TUBAL3: variants seen among roughly 807,000 people sequenced by gnomAD.
TUBAL3 encodes the protein tubulin alpha like 3.
A neutral mutation model predicts 15.5 loss-of-function variants in TUBAL3; 16 were observed. That is an observed-to-expected ratio of 1.04 (90% CI 0.70 to 1.57). TUBAL3 has a LOEUF of 1.57. Ranked by LOEUF, TUBAL3 falls within the 40% of genes most tolerant of loss-of-function variation. The probability of loss-of-function intolerance (pLI) is 0.00; values close to 1 mark genes in which losing one functional copy is unlikely to be tolerated. For missense variants in TUBAL3, 609 were observed against 576.2 expected (o/e 1.06, Z -0.58); for synonymous variants, 238 against 224.3 (o/e 1.06, Z -0.55).
Position 5,395,577 on chromosome 10 carries a change from T to C in TUBAL3, c.248-102A>G. On this transcript the variant is annotated intron_variant, in intron 2 of 3. Transcript: ENST00000380419. The surrounding 1 kb of genome is among the most constrained non-coding windows in gnomAD (Gnocchi z 4.6). ...GCCTCCCCGTACTTGACTCCCATGCTTTCTCTCAATATTGTGGTCCAGGAA... is the reference window on the plus strand; with the variant it reads ...GCCTCCCCGTACTTGACTCCCATGCCTTCTCTCAATATTGTGGTCCAGGAA... 1 of 1,231,790 alleles carries C rather than the reference T, an allele frequency of 8.1e-7. No homozygotes were observed. The highest frequency in any genetic ancestry group is 1.1e-6 in the Non-Finnish European group (1 of 934,106). The allele number at this position is 1,231,790 out of a possible 1,614,324, so 76.3% of individuals were successfully genotyped here. A position where few individuals can be genotyped will look rare whatever the true frequency, so the allele number is the denominator to read the frequency against.
In TUBAL3 at chr10:5,395,299, C is replaced by A. The variant is rs782537472; in HGVS notation, c.396+28G>T. On this transcript the variant is annotated intron_variant, in intron 3 of 3. Transcript: ENST00000380419. This position sits in a 1 kb window ranked among gnomAD's most constrained non-coding sequence, Gnocchi z 4.6. ...GACCCCACATGCCCCAGGCACAGCC[C>A]ACTCGGAGGAGAGGGGGAGCCACTT... 1.4e-6 allele frequency: 2 copies of A among 1,472,972 alleles called. No individual in the cohort carries two copies. Among genetic ancestry groups the A allele is most frequent in the East Asian group, 5.2e-5 (2 of 38,492 alleles). 91.2% of individuals were successfully genotyped at this position (1,472,972 alleles called of 1,614,324 possible). A position where few individuals can be genotyped will look rare whatever the true frequency, so the allele number is the denominator to read the frequency against.
At chr10:5,398,992 T>A (rs1554814410) in intron 2 of TUBAL3, among the ~76,000 whole-genome samples, 1 of 152,162 alleles carries the variant, frequency 6.6e-6, no homozygotes, top group Non-Finnish European at 1.5e-5. Context: ...GTTATAACTA[T>A]TTATTTTTTC....
Position 5,394,215 on chromosome 10 carries a change from C to T in TUBAL3, c.643G>A (p.Ala215Thr), listed in dbSNP as rs1438681668. ...TTACGATGGCATATATCATAGACGG[C>T]CTCGTTGTCCACCATGAAGGTACAG... ...TDCTFMVDNE[A>T]VYDICHRKLG... is the part of the protein sequence containing the mutation. Residue 215 changes from alanine to threonine, a missense_variant, in exon 4 of 4, where the codon GCC (alanine) becomes ACC (threonine). Coordinates refer to ENST00000380419, the MANE Select transcript of TUBAL3 (RefSeq NM_024803.3). This position sits in a 1 kb window ranked among gnomAD's most constrained non-coding sequence, Gnocchi z 4.3. 2.5e-6 allele frequency: 4 copies of T among 1,614,124 alleles called. No homozygotes were observed. In the East Asian group the frequency reaches 8.9e-5, roughly 36 times the overall value.
In TUBAL3 at chr10:5,395,878, G is replaced by T. The variant is rs895321964; in HGVS notation, c.248-403C>A. On this transcript the variant is annotated intron_variant, in intron 2 of 3. Coordinates refer to ENST00000380419, the MANE Select transcript of TUBAL3 (RefSeq NM_024803.3). This position sits in a 1 kb window ranked among gnomAD's most constrained non-coding sequence, Gnocchi z 4.6. ...CCAAACATCTCTCCTGGCACCGGGT[G>T]ACTTACAATTCTTAGCTCTCCTTGG... 1.3e-5 allele frequency among the ~76,000 whole-genome samples: 2 copies of T among 152,140 alleles called. No individual in the cohort carries two copies. Among genetic ancestry groups the T allele is most frequent in the African/African-American group, 4.8e-5 (2 of 41,432 alleles).
chr10:5,400,765 A>G, intron 2 of TUBAL3, 79 bp downstream of exon 2: 2 of 1,561,686 alleles, frequency 1.3e-6, no homozygotes, highest in Non-Finnish European at 1.8e-6. Flanking sequence ...ATAGACCTGT[A>G]TAATCTGCTA....
chr10:5,403,267 C>T (rs1275713822), intron 1 of TUBAL3, among the ~76,000 whole-genome samples: 4 of 152,188 alleles, frequency 2.6e-5, no homozygotes, highest in Admixed American at 2.6e-4. Context: ...TCTTATTCCT[C>T]TCCCCTTCTG....
At position 5,394,642 on chromosome 10, in the gene TUBAL3, G is replaced by C. The variant is rs967715600; in HGVS notation, c.397-181C>G. On this transcript the variant is annotated intron_variant, in intron 3 of 3. Transcript: ENST00000380419. The surrounding 1 kb of genome is among the most constrained non-coding windows in gnomAD (Gnocchi z 4.3). ...TGAAATACTCTCAAGGGGACTTCTG[G>C]AGTAGGCAAAGCACTTCAGAGCTTT... Among the ~76,000 whole-genome samples the C allele has an allele frequency of 6.6e-6, 1 of 152,312 alleles. No homozygotes were observed. Among genetic ancestry groups the C allele is most frequent in the Middle Eastern group, 3.4e-3 (1 of 294 alleles).
rs370241724 is a variant in TUBAL3, at chr10:5,394,185, C to T, written c.673G>A (p.Gly225Ser). ...AVYDICHRKL[G>S]VECPSHASIN... Reference sequence around the variant, plus strand: ...CTGGCATGAGAGGGGCATTCAACACCGAGTTTACGATGGCATATATCATAG... The same window carrying T: ...CTGGCATGAGAGGGGCATTCAACACTGAGTTTACGATGGCATATATCATAG... The change falls in exon 4 of 4, where the codon GGT becomes AGT. Residue 225 changes from glycine (G) to serine (S), a missense_variant. Physicochemically the swap from Gly to Ser is moderately conservative, Grantham distance 56. Coordinates refer to ENST00000380419, the MANE Select transcript of TUBAL3 (RefSeq NM_024803.3). This position sits in a 1 kb window ranked among gnomAD's most constrained non-coding sequence, Gnocchi z 4.3. The T allele has an allele frequency of 1.6e-5, 26 of 1,614,154 alleles. No homozygotes were observed. In the Admixed American group the frequency reaches 1.7e-4, roughly 10 times the overall value.
In TUBAL3 at chr10:5,394,358, T is replaced by C. The variant is rs1001955308; in HGVS notation, c.500A>G (p.Glu167Gly). Residue 167 changes from glutamate to glycine, a missense_variant, in exon 4 of 4, where the codon GAA becomes GGA. By Grantham distance (98) the Glu-to-Gly change is moderately conservative. Transcript: ENST00000380419. The surrounding 1 kb of genome is among the most constrained non-coding windows in gnomAD (Gnocchi z 4.3). ...TSLLMERLTG[E>G]YSRKTKLEFS... is the part of the protein sequence containing the mutation. ...CTCCAGCTTAGTCTTTCTGCTATAT[T>C]CTCCTGTGAGCCTCTCCATTAAGAG... 1.7e-5 allele frequency: 27 copies of C among 1,613,950 alleles called. No individual in the cohort carries two copies. Among genetic ancestry groups the C allele is most frequent in the Non-Finnish European group, 8.5e-7 (1 of 1,180,032 alleles).
intron 2 of TUBAL3, among the ~76,000 whole-genome samples, chr10:5,398,683 C>T (rs1021620153): frequency 2.0e-5 from 3 of 152,190 alleles, no homozygotes; most frequent in Admixed American, 6.5e-5. Flanking sequence ...TTGTCCATCC[C>T]GCAGCCCAGG....
In TUBAL3 at chr10:5,397,355, A is replaced by T. The variant is rs944983128; in HGVS notation, c.248-1880T>A. On this transcript the variant is annotated intron_variant, in intron 2 of 3. Coordinates refer to ENST00000380419, the MANE Select transcript of TUBAL3 (RefSeq NM_024803.3). This position sits in a 1 kb window ranked among gnomAD's most constrained non-coding sequence, Gnocchi z 4.9. ...ACCTCCCCCAGAGCTAGGATGTTTA[A>T]AAGATATATTTATAAACAAGATATA... 3.9e-5 allele frequency among the ~76,000 whole-genome samples: 6 copies of T among 152,214 alleles called. No homozygotes were observed. The highest frequency in any genetic ancestry group is 1.9e-4 in the East Asian group (1 of 5,198).
chr10:5,393,909 C>CA lies in TUBAL3; in HGVS notation c.948dup (p.Gly317TrpfsTer11). The stretch of plus-strand genomic sequence containing the variant: ...AGTAGGCAGCAGGCCATGTACTTCC[C>CA]AAGCCGAGGATCACACTTGACCAGC... On this transcript the variant is annotated frameshift_variant, in exon 4 of 4. Coordinates refer to ENST00000380419, the MANE Select transcript of TUBAL3 (RefSeq NM_024803.3). LOFTEE classifies it low-confidence loss of function (END_TRUNC). 1 of 1,614,186 alleles carries CA rather than the reference C, an allele frequency of 6.2e-7. No homozygotes were observed. Among genetic ancestry groups the CA allele is most frequent in the Non-Finnish European group, 8.5e-7 (1 of 1,180,040 alleles).
chr10:5,393,873 C>A lies in TUBAL3; in HGVS notation c.985G>T (p.Asp329Tyr), dbSNP rs781971389. The A allele has an allele frequency of 6.2e-7, 1 of 1,614,224 alleles. No individual in the cohort carries two copies. The highest frequency in any genetic ancestry group is 8.5e-7 in the Non-Finnish European group (1 of 1,180,052). ...GCATTCACTTCCTTGGGGACCACAT[C>A]CCCTCTATAGAGTAGGCAGCAGGCC... ...YMACCLLYRG[D>Y]VVPKEVNAAI... Residue 329 changes from aspartate to tyrosine, a missense_variant, in exon 4 of 4, where the codon GAT (aspartate) becomes TAT (tyrosine). Physicochemically the swap from Asp to Tyr is radical, Grantham distance 160. Transcript: ENST00000380419.
intron 2 of TUBAL3, among the ~76,000 whole-genome samples, chr10:5,398,420 CAAAAAA>C (rs67359864): frequency 1.2e-5 from 1 of 80,856 alleles, no homozygotes; most frequent in Non-Finnish European, 2.3e-5. Context: ...AACTCTGTCT[CAAAAAA>C]AAAAAAAAAA....
rs374383606 is a variant in TUBAL3 at position 5,393,512 on chromosome 10, A to G, written c.*5T>C. On this transcript the variant is annotated 3_prime_UTR_variant, in exon 4 of 4. Transcript: ENST00000380419. ...TGACATTCATTTGCACCCATCATAC[A>G]TGCCTCAGAAACTTTGCGCCACTTC... 1.0e-5 allele frequency: 16 copies of G among 1,592,558 alleles called. No homozygotes were observed. The highest frequency in any genetic ancestry group is 6.7e-5 in the African/African-American group (5 of 74,416).
intron 2 of TUBAL3, 55 bp downstream of exon 2, chr10:5,400,789 G>T: frequency 6.2e-7 from 1 of 1,606,178 alleles, no homozygotes; most frequent in South Asian, 1.1e-5. Flanking sequence ...CCATCCACTT[G>T]ATTTGTTTGA....
In TUBAL3 at chr10:5,393,762, G is replaced by A. The variant is rs782333481; in HGVS notation, c.1096C>T (p.Pro366Ser). 2 of 1,614,240 alleles carry A rather than the reference G, an allele frequency of 1.2e-6. No homozygotes were observed. The highest frequency in any genetic ancestry group is 8.5e-7 in the Non-Finnish European group (1 of 1,180,046). The change falls in exon 4 of 4, where the codon CCG (proline) becomes TCG (serine). Residue 366 changes from proline (P) to serine (S), a missense_variant. Pro to Ser is a moderately conservative substitution (Grantham distance 74). Transcript: ENST00000380419. The part of the protein sequence containing the change: ...TGFKVGINNR[P>S]PTVMPGGDLA... ...TCCCCACCCGGCATCACCGTGGGCG[G>A]CCGATTGTTGATGCCCACCTTGAAA...
At position 5,395,541 on chromosome 10, in the gene TUBAL3, GTCC is replaced by G. The variant is rs781847622; in HGVS notation, c.248-69_248-67del. ...CAATTCAGCCGTCCACCTGCTGCTA[GTCC>G]TCCTGGAGCCTCCCCGTACTTGACT... On this transcript the variant is annotated intron_variant, in intron 2 of 3. Coordinates refer to ENST00000380419, the MANE Select transcript of TUBAL3 (RefSeq NM_024803.3). The surrounding 1 kb of genome is among the most constrained non-coding windows in gnomAD (Gnocchi z 4.6). 292 of 1,354,688 alleles carry G rather than the reference GTCC, an allele frequency of 2.2e-4. No individual in the cohort carries two copies. The highest frequency in any genetic ancestry group is 2.7e-4 in the Non-Finnish European group (280 of 1,037,882). The allele number at this position is 1,354,688 out of a possible 1,614,324, so 83.9% of individuals were successfully genotyped here. A position where few individuals can be genotyped will look rare whatever the true frequency, so the allele number is the denominator to read the frequency against.
chr10:5,395,444 G>A lies in TUBAL3; in HGVS notation c.279C>T (p.Leu93=), dbSNP rs1477445823. ...DGIRTGQHRS[L]FHPEQLLSGK... is the part of the protein sequence containing the mutation. Reference sequence around the variant, plus strand: ...CGCTAAGGAGCTGCTCGGGGTGGAAGAGTGAACGGTGCTGGCCCGTCCGGA... The same window carrying A: ...CGCTAAGGAGCTGCTCGGGGTGGAAAAGTGAACGGTGCTGGCCCGTCCGGA... The change falls in exon 3 of 4, where the codon CTC becomes CTT. Residue 93 remains leucine (L), a synonymous_variant. Coordinates refer to ENST00000380419, the MANE Select transcript of TUBAL3 (RefSeq NM_024803.3). This position sits in a 1 kb window ranked among gnomAD's most constrained non-coding sequence, Gnocchi z 4.6. 1 of 1,598,514 alleles carries A rather than the reference G, an allele frequency of 6.3e-7. No homozygotes were observed. The highest frequency in any genetic ancestry group is 8.5e-7 in the Non-Finnish European group (1 of 1,170,604).
Sources: allele counts gnomAD v4.1 joint callset (sites outside exome capture counted in the v4.1 genomes callset), GRCh38; gene constraint gnomAD v4.1.1; non-coding constraint Gnocchi (gnomAD v3.1); transcripts MANE v1.5; gene names NCBI Gene and HGNC (gene_info 2026-07-23, HGNC 2026-07-21).